The following COL10A1 variants were observed in gnomAD, a reference collection of about 807,000 sequenced individuals.
The protein encoded by COL10A1 is collagen alpha-1(X) chain.
A neutral mutation model predicts 18.2 loss-of-function variants in COL10A1; 10 were observed. That is an observed-to-expected ratio of 0.55 (90% confidence interval 0.34 to 0.93). COL10A1 has a LOEUF of 0.93. COL10A1 is among the 40% of genes least tolerant of loss of function. The pLI is 0.02. For missense variants in COL10A1, 897 were observed against 853.5 expected (o/e 1.05, Z -0.64); for synonymous variants, 330 against 316.6 (o/e 1.04, Z -0.45).
chr6:116,133,137 T>C (rs1779510577), intron 1 of COL10A1, among the ~76,000 whole-genome samples: 1 of 152,200 alleles, frequency 6.6e-6, no homozygotes, highest in South Asian at 2.1e-4. Flanking sequence ...GAGCTCATAG[T>C]TTCGTGCGCC....
the COL10A1 span, among the ~76,000 whole-genome samples, chr6:116,203,631 A>G: frequency 6.6e-6 from 1 of 151,932 alleles, no homozygotes; most frequent in Admixed American, 6.6e-5. Context: ...TACCCTTGGT[A>G]GACGTGAGTT....
intron 1 of COL10A1, among the ~76,000 whole-genome samples, chr6:116,145,182 T>C (rs965090154): frequency 6.6e-6 from 1 of 152,156 alleles, no homozygotes; most frequent in Admixed American, 6.5e-5. Context: ...AGTGAGAAGT[T>C]GGACAGTTGT....
intron 1 of COL10A1, among the ~76,000 whole-genome samples, chr6:116,136,098 A>G (rs945105939): frequency 6.6e-6 from 1 of 151,432 alleles, no homozygotes; most frequent in Non-Finnish European, 1.5e-5. Context: ...GTGACCCTCC[A>G]CTCTGCAGCC....
In COL10A1 at chr6:116,135,419, C is replaced by T. The variant is rs56091733; in HGVS notation, c.-15-9912G>A. 2.3e-3 allele frequency among the ~76,000 whole-genome samples: 346 copies of T among 151,968 alleles called. 2 individuals carry two copies. The highest frequency in any genetic ancestry group is 8.2e-3 in the African/African-American group (339 of 41,476). On this transcript the variant is annotated intron_variant, in intron 1 of 1. Transcript: ENST00000418500. ...CTGTAGCATCCATAACCGCCCCCCC[C>T]ACCTTTTTATTTAACAACTCCATGT...
At chr6:116,167,117 G>A in the COL10A1 span, among the ~76,000 whole-genome samples, 1 of 150,780 alleles carries the variant, frequency 6.6e-6, no homozygotes, top group Non-Finnish European at 1.5e-5. Flanking sequence ...TATCACTGAT[G>A]ATTTGTATAT....
At chr6:116,173,466 T>C in the COL10A1 span, among the ~76,000 whole-genome samples, 3 of 152,054 alleles carry the variant, frequency 2.0e-5, no homozygotes, top group Admixed American at 6.6e-5. Flanking sequence ...ATGAGAGAGG[T>C]AGGCAGCCTG....
In COL10A1 at chr6:116,121,133, G is replaced by C. The variant is rs772717193; in HGVS notation, c.983C>G (p.Ala328Gly). ...GPGAKGEQGP[A>G]GLPGKPGLTG... is the part of the protein sequence containing the mutation. ...CAGACCTGGCTTCCCAGGAAGACCT[G>C]CTGGCCCTTGTTCCCCTTTGGCACC... Residue 328 changes from alanine (A) to glycine (G), a missense_variant, in exon 3 of 3, where the codon GCA becomes GGA. Coordinates refer to ENST00000651968, the MANE Select transcript of COL10A1 (RefSeq NM_000493.4). 2 of 1,613,516 alleles carry C rather than the reference G, an allele frequency of 1.2e-6. No individual in the cohort carries two copies. The highest frequency in any genetic ancestry group is 1.7e-6 in the Non-Finnish European group (2 of 1,179,718).
the COL10A1 span, among the ~76,000 whole-genome samples, chr6:116,181,179 T>G: frequency 1.3e-5 from 2 of 152,002 alleles, no homozygotes; most frequent in African/African-American, 4.8e-5. Context: ...CTCTCTACTG[T>G]TACATGTGTC....
At chr6:116,162,002 A>C (rs1240172804), upstream of COL10A1, among the ~76,000 whole-genome samples, 1 of 152,008 alleles carries the variant, frequency 6.6e-6, no homozygotes, top group Non-Finnish European at 1.5e-5. Context: ...CACCATCTTA[A>C]ATGTATTCCT....
chr6:116,125,304 C>A (rs1239682482), intron 2 of COL10A1, 35 bp downstream of exon 2: 3 of 1,605,668 alleles, frequency 1.9e-6, no homozygotes, highest in South Asian at 1.1e-5. Flanking sequence ...CAACAAGCAA[C>A]TTGTTAATAG....
upstream of COL10A1, among the ~76,000 whole-genome samples, chr6:116,163,141 A>AAAAAAAATAT (rs761718922): frequency 8.4e-4 from 74 of 88,370 alleles, no homozygotes; most frequent in African/African-American, 2.5e-3. Flanking sequence ...AAAAAAAAAA[A>AAAAAAAATAT]ATATATATAT....
At chr6:116,180,503 G>T in the COL10A1 span, among the ~76,000 whole-genome samples, 7 of 152,200 alleles carry the variant, frequency 4.6e-5, no homozygotes, top group African/African-American at 1.4e-4. Context: ...GAAACTTCAT[G>T]AATGGAGAAG....
At chr6:116,144,489 G>A (rs139610057) in intron 1 of COL10A1, among the ~76,000 whole-genome samples, 4,409 of 150,088 alleles carry the variant, frequency 0.029, 241 homozygotes, top group African/African-American at 0.1. Context: ...GACAGAGCGA[G>A]ACTCCGTCTC....
rs73772267 is a variant in COL10A1 at position 116,133,948 on chromosome 6, T to C, written c.-15-8441A>G. Among the ~76,000 whole-genome samples the C allele has an allele frequency of 2.3e-3, 347 of 152,334 alleles. 2 individuals are homozygous for C. Among genetic ancestry groups the C allele is most frequent in the African/African-American group, 8.2e-3 (341 of 41,582 alleles). On this transcript the variant is annotated intron_variant, in intron 1 of 1. Transcript: ENST00000418500. ...TGGTTTTTTTCCCCCAGTGATCTTA[T>C]TAGTGCTGAAATTCTTACTATCTTT...
At chr6:116,176,916 C>CT in the COL10A1 span, among the ~76,000 whole-genome samples, 3 of 152,088 alleles carry the variant, frequency 2.0e-5, no homozygotes, top group Non-Finnish European at 4.4e-5. Context: ...GAAAGGGGCC[C>CT]TTTTTTTGCC....
the COL10A1 span, among the ~76,000 whole-genome samples, chr6:116,211,791 G>A: frequency 1.3e-5 from 2 of 152,012 alleles, no homozygotes; most frequent in Admixed American, 6.6e-5. Context: ...TTGCTTTGTT[G>A]TACTGTGCAA....
At chr6:116,123,121 T>C (rs1030532299) in intron 2 of COL10A1, among the ~76,000 whole-genome samples, 6 of 152,210 alleles carry the variant, frequency 3.9e-5, no homozygotes, top group Non-Finnish European at 5.9e-5. Context: ...GAGCTTTGCT[T>C]TAGAATCTGA....
chr6:116,137,979 T>G (rs1437912020), intron 1 of COL10A1, among the ~76,000 whole-genome samples: 1 of 152,014 alleles, frequency 6.6e-6, no homozygotes, highest in African/African-American at 2.4e-5. Context: ...CACAGGAGGC[T>G]TGGCAGGAGA....
chr6:116,177,682 A>G, the COL10A1 span, among the ~76,000 whole-genome samples: 13 of 152,210 alleles, frequency 8.5e-5, no homozygotes, highest in Admixed American at 3.3e-4. Flanking sequence ...GAGATAATGT[A>G]TCAAAATACC....
Sources: gnomAD v4.1 joint callset for allele counts (sites outside exome capture counted in the v4.1 genomes callset) on GRCh38, gnomAD v4.1.1 for gene constraint, MANE v1.5 for transcripts, NCBI Gene and HGNC (gene_info 2026-07-23, HGNC 2026-07-21) for gene names.